Variants in CACNG1 observed in about 807,000 individuals in gnomAD.
The protein encoded by CACNG1 is calcium voltage-gated channel auxiliary subunit gamma 1.
A neutral mutation model predicts 22.0 loss-of-function variants in CACNG1; 21 were observed. That is an observed-to-expected ratio of 0.95 (90% CI 0.68 to 1.37). The LOEUF is 1.37. Ranked by LOEUF, CACNG1 falls within the 40% of genes most tolerant of loss-of-function variation. The probability of loss-of-function intolerance (pLI) is 0.00; values close to 1 mark genes in which losing one functional copy is unlikely to be tolerated. For synonymous variants in CACNG1, 127 were observed against 129.2 expected (o/e 0.98, Z 0.12); for missense variants, 291 against 308.6 (o/e 0.94, Z 0.43).
Position 67,054,224 on chromosome 17 carries a change from C to T in CACNG1, c.304+154C>T, listed in dbSNP as rs577470977. On this transcript the variant is annotated intron_variant, in intron 2 of 3. Transcript: ENST00000226021. This position sits in a 1 kb window ranked among gnomAD's most constrained non-coding sequence, Gnocchi z 4.6. Reference sequence around the variant, plus strand: ...TTGAACAACAGCCTTGTCAGCTCCCCGCTCCGGAGGCCCCAGGCAGCCGCC... The same window carrying T: ...TTGAACAACAGCCTTGTCAGCTCCCTGCTCCGGAGGCCCCAGGCAGCCGCC... 1.6e-4 allele frequency among the ~76,000 whole-genome samples: 24 copies of T among 152,320 alleles called. No homozygotes were observed. Among genetic ancestry groups the T allele is most frequent in the African/African-American group, 5.1e-4 (21 of 41,570 alleles).
Position 67,055,373 on chromosome 17 carries a change from A to C in CACNG1, c.442+133A>C. The stretch of plus-strand genomic sequence containing the variant: ...AGGCTCCATCCCCATCCAGGGGCAA[A>C]CCTGGCCAGGCCATCAGCGACTCCA... On this transcript the variant is annotated intron_variant, in intron 3 of 3. Transcript: ENST00000226021. This position sits in a 1 kb window ranked among gnomAD's most constrained non-coding sequence, Gnocchi z 4.5. 1 of 1,072,878 alleles carries C rather than the reference A, an allele frequency of 9.3e-7. No individual in the cohort carries two copies. The highest frequency in any genetic ancestry group is 1.7e-5 in the South Asian group (1 of 59,982). The allele number at this position is 1,072,878 out of a possible 1,614,324, so 66.5% of individuals were successfully genotyped here.
In CACNG1 at chr17:67,054,887, C is replaced by CATGACACACA. The variant is rs1331811449; in HGVS notation, c.305-205_305-196dup. Among the ~76,000 whole-genome samples, 3 of 150,954 alleles carry CATGACACACA rather than the reference C, an allele frequency of 2.0e-5. No individual in the cohort carries two copies. The highest frequency in any genetic ancestry group is 7.3e-5 in the African/African-American group (3 of 40,914). ...ACAGAGACACACACTGACACATATG[C>CATGACACACA]ATGACACACAATGACACACACAGAC... On this transcript the variant is annotated intron_variant, in intron 2 of 3. Transcript: ENST00000226021. This position sits in a 1 kb window ranked among gnomAD's most constrained non-coding sequence, Gnocchi z 4.6.
rs761921218 is a variant in CACNG1 at position 67,056,013 on chromosome 17, C to T, written c.443-32C>T. On this transcript the variant is annotated intron_variant, in intron 3 of 3. Coordinates refer to ENST00000226021, the MANE Select transcript of CACNG1 (RefSeq NM_000727.4). This position sits in a 1 kb window ranked among gnomAD's most constrained non-coding sequence, Gnocchi z 4.3. The stretch of plus-strand genomic sequence containing the variant: ...GCTGGTGGCTACGGCAGACGCCCCT[C>T]GGTCCCTGAGCATGCCTGGCTCTGC... 14 of 1,573,766 alleles carry T rather than the reference C, an allele frequency of 8.9e-6. No homozygotes were observed. Among genetic ancestry groups the T allele is most frequent in the African/African-American group, 1.3e-5 (1 of 74,350 alleles).
chr17:67,054,161 A>C lies in CACNG1; in HGVS notation c.304+91A>C. On this transcript the variant is annotated intron_variant, in intron 2 of 3. Coordinates refer to ENST00000226021, the MANE Select transcript of CACNG1 (RefSeq NM_000727.4). This position sits in a 1 kb window ranked among gnomAD's most constrained non-coding sequence, Gnocchi z 4.6. ...CAGAAAGTCATTGGCAAAAGCACTG[A>C]CTTCCTCACGCCTGATGAGAAGAAG... The C allele has an allele frequency of 9.9e-7, 1 of 1,007,044 alleles. No individual in the cohort carries two copies. The highest frequency in any genetic ancestry group is 1.6e-6 in the Non-Finnish European group (1 of 630,818). The allele number at this position is 1,007,044 out of a possible 1,614,324, so 62.4% of individuals were successfully genotyped here. A position where few individuals can be genotyped will look rare whatever the true frequency, so the allele number is the denominator to read the frequency against.
rs145671773 is a variant in CACNG1, at chr17:67,044,912, C to G, written c.229+23C>G. The G allele has an allele frequency of 1.9e-6, 3 of 1,566,412 alleles. No individual in the cohort carries two copies. Among genetic ancestry groups the G allele is most frequent in the South Asian group, 1.1e-5 (1 of 89,010 alleles). On this transcript the variant is annotated intron_variant, in intron 1 of 3. Transcript: ENST00000226021. This position sits in a 1 kb window ranked among gnomAD's most constrained non-coding sequence, Gnocchi z 6.9. Reference sequence around the variant, plus strand: ...GGGGTAACGTACCCACCCTCCGTCCCGATCCCCACCTCCTGCTCTTCCCCG... The same window carrying G: ...GGGGTAACGTACCCACCCTCCGTCCGGATCCCCACCTCCTGCTCTTCCCCG...
rs777436465 is a variant in CACNG1, at chr17:67,056,292, C to T, written c.*21C>T. The T allele has an allele frequency of 1.7e-5, 28 of 1,605,790 alleles. No homozygotes were observed. Among genetic ancestry groups the T allele is most frequent in the Non-Finnish European group, 2.3e-5 (27 of 1,173,422 alleles). On this transcript the variant is annotated 3_prime_UTR_variant, in exon 4 of 4. Coordinates refer to ENST00000226021, the MANE Select transcript of CACNG1 (RefSeq NM_000727.4). The surrounding 1 kb of genome is among the most constrained non-coding windows in gnomAD (Gnocchi z 4.3). The stretch of plus-strand genomic sequence containing the variant: ...ACTAACCCTCCTGCGGCCCTAGCGA[C>T]CCTCAGGCTTCTTCCCCAGGAAGCG...
At position 67,055,818 on chromosome 17, in the gene CACNG1, G is replaced by A. The variant is rs1307221520; in HGVS notation, c.443-227G>A. 2.6e-5 allele frequency among the ~76,000 whole-genome samples: 4 copies of A among 152,122 alleles called. No individual in the cohort carries two copies. Among genetic ancestry groups the A allele is most frequent in the African/African-American group, 9.7e-5 (4 of 41,420 alleles). ...GCCTCCCAAAGTGCTGGGATTACAG[G>A]TGTGAGCCACCACACCTGGCCACAT... On this transcript the variant is annotated intron_variant, in intron 3 of 3. Coordinates refer to ENST00000226021, the MANE Select transcript of CACNG1 (RefSeq NM_000727.4). The surrounding 1 kb of genome is among the most constrained non-coding windows in gnomAD (Gnocchi z 4.5).
chr17:67,044,756 G>C lies in CACNG1; in HGVS notation c.96G>C (p.Trp32Cys), dbSNP rs1180328852. 2 of 1,613,044 alleles carry C rather than the reference G, an allele frequency of 1.2e-6. No homozygotes were observed. Among genetic ancestry groups the C allele is most frequent in the African/African-American group, 1.3e-5 (1 of 74,952 alleles). ...LAMTAVVTDH[W>C]AVLSPHMEHH... Reference sequence around the variant, plus strand: ...TGACAGCCGTGGTAACCGACCACTGGGCTGTGCTGAGCCCCCACATGGAGC... The same window carrying C: ...TGACAGCCGTGGTAACCGACCACTGCGCTGTGCTGAGCCCCCACATGGAGC... Residue 32 changes from tryptophan to cysteine, a missense_variant, in exon 1 of 4, where the codon TGG becomes TGC. Physicochemically the swap from Trp to Cys is radical, Grantham distance 215. Transcript: ENST00000226021. This position sits in a 1 kb window ranked among gnomAD's most constrained non-coding sequence, Gnocchi z 6.9.
In CACNG1 at chr17:67,054,998, C is replaced by A; in HGVS notation, c.305-105C>A. 6 of 1,205,676 alleles carry A rather than the reference C, an allele frequency of 5.0e-6. No homozygotes were observed. The highest frequency in any genetic ancestry group is 7.0e-6 in the Non-Finnish European group (6 of 863,138). The allele number at this position is 1,205,676 out of a possible 1,614,324, so 74.7% of individuals were successfully genotyped here. A position where few individuals can be genotyped will look rare whatever the true frequency, so the allele number is the denominator to read the frequency against. On this transcript the variant is annotated intron_variant, in intron 2 of 3. Coordinates refer to ENST00000226021, the MANE Select transcript of CACNG1 (RefSeq NM_000727.4). The surrounding 1 kb of genome is among the most constrained non-coding windows in gnomAD (Gnocchi z 4.6). The stretch of plus-strand genomic sequence containing the variant: ...CACTTGACACACACACAATGACACA[C>A]ACAGACACTGACACACACACTGTGG...
chr17:67,053,125 T>C (rs1272788488), intron 1 of CACNG1, among the ~76,000 whole-genome samples: 1 of 152,118 alleles, frequency 6.6e-6, no homozygotes, highest in African/African-American at 2.4e-5. Context: ...AATTATCAGG[T>C]GGGCCAAGCG....
At position 67,054,700 on chromosome 17, in the gene CACNG1, GATGAC is replaced by G. The variant is rs1242246493; in HGVS notation, c.305-401_305-397del. Among the ~76,000 whole-genome samples, 1 of 41,498 alleles carries G rather than the reference GATGAC, an allele frequency of 2.4e-5. No homozygotes were observed. Among genetic ancestry groups the G allele is most frequent in the African/African-American group, 4.7e-5 (1 of 21,120 alleles). The allele number at this position is 41,498 out of a possible 152,430, so 27.2% of individuals were successfully genotyped here. A position where few individuals can be genotyped will look rare whatever the true frequency, so the allele number is the denominator to read the frequency against. ...CACAGAGACACTGACACACACGCAT[GATGAC>G]ACACAAAATGACACACAGTGACACA... On this transcript the variant is annotated intron_variant, in intron 2 of 3. Transcript: ENST00000226021. The surrounding 1 kb of genome is among the most constrained non-coding windows in gnomAD (Gnocchi z 4.6).
In CACNG1 at chr17:67,056,212, C is replaced by G; in HGVS notation, c.610C>G (p.Leu204Val). The change falls in exon 4 of 4, where the codon CTG (leucine) becomes GTG (valine). Residue 204 changes from leucine (L) to valine (V), a missense_variant. Transcript: ENST00000226021. The surrounding 1 kb of genome is among the most constrained non-coding windows in gnomAD (Gnocchi z 4.3). ...LGGLALLLFS[L>V]PRMPRNPWES... ...CGGTCTCGCCCTCCTGCTGTTCTCC[C>G]TGCCTCGAATGCCCCGGAACCCATG... 6.2e-7 allele frequency: 1 copy of G among 1,614,072 alleles called. No homozygotes were observed. The highest frequency in any genetic ancestry group is 8.5e-7 in the Non-Finnish European group (1 of 1,180,028).
rs983494958 is a variant in CACNG1, at chr17:67,054,587, G to T, written c.305-516G>T. Reference sequence around the variant, plus strand: ...CTGCGCCCAGACAGCTGCACACAGGGTGAGTGGGCAGACACACAGACACAC... The same window carrying T: ...CTGCGCCCAGACAGCTGCACACAGGTTGAGTGGGCAGACACACAGACACAC... On this transcript the variant is annotated intron_variant, in intron 2 of 3. Transcript: ENST00000226021. This position sits in a 1 kb window ranked among gnomAD's most constrained non-coding sequence, Gnocchi z 4.6. Among the ~76,000 whole-genome samples, 2 of 152,054 alleles carry T rather than the reference G, an allele frequency of 1.3e-5. No homozygotes were observed. The highest frequency in any genetic ancestry group is 4.8e-5 in the African/African-American group (2 of 41,394).
In CACNG1 at chr17:67,044,559, C is replaced by A; in HGVS notation, c.-102C>A. On this transcript the variant is annotated 5_prime_UTR_variant, in exon 1 of 4. Transcript: ENST00000226021. The surrounding 1 kb of genome is among the most constrained non-coding windows in gnomAD (Gnocchi z 6.9). ...GCACACTAAACTTAGTGGCCACTCC[C>A]AGCTCGACAACCACTGCCACCCCCC... is the stretch of plus-strand genomic sequence containing the variant. 1.3e-6 allele frequency: 1 copy of A among 758,030 alleles called. No individual in the cohort carries two copies. 47.0% of individuals were successfully genotyped at this position (758,030 alleles called of 1,614,324 possible). A position where few individuals can be genotyped will look rare whatever the true frequency, so the allele number is the denominator to read the frequency against.
Position 67,055,207 on chromosome 17 carries a change from C to A in CACNG1, c.409C>A (p.Leu137Met). 6.2e-7 allele frequency: 1 copy of A among 1,614,214 alleles called. No homozygotes were observed. Among genetic ancestry groups the A allele is most frequent in the Non-Finnish European group, 8.5e-7 (1 of 1,180,016 alleles). Residue 137 changes from leucine to methionine, a missense_variant, in exon 3 of 4, where the codon CTG becomes ATG. Transcript: ENST00000226021. This position sits in a 1 kb window ranked among gnomAD's most constrained non-coding sequence, Gnocchi z 4.5. ...CCTCGGGAAGAAGAGGGACTATCTG[C>A]TGCGACCCGCGTCCATGTTCTATGC... ...LSLGKKRDYL[L>M]RPASMFYAFA... is the part of the protein sequence containing the mutation.
chr17:67,047,062 T>C (rs1230758074), intron 1 of CACNG1, among the ~76,000 whole-genome samples: 1 of 152,186 alleles, frequency 6.6e-6, no homozygotes, highest in Non-Finnish European at 1.5e-5. Flanking sequence ...TTGTGCTCCC[T>C]GGGACCACTC....
chr17:67,055,319 C>A lies in CACNG1; in HGVS notation c.442+79C>A, dbSNP rs2035755228. On this transcript the variant is annotated intron_variant, in intron 3 of 3. Coordinates refer to ENST00000226021, the MANE Select transcript of CACNG1 (RefSeq NM_000727.4). This position sits in a 1 kb window ranked among gnomAD's most constrained non-coding sequence, Gnocchi z 4.5. ...ATTCTCCGCTCCACCCTCATGCCCA[C>A]CGCGAGATTTGGGTGAGGGGCATTT... 6.7e-7 allele frequency: 1 copy of A among 1,495,860 alleles called. No individual in the cohort carries two copies. Among genetic ancestry groups the A allele is most frequent in the Non-Finnish European group, 9.1e-7 (1 of 1,104,054 alleles). 92.7% of individuals were successfully genotyped at this position (1,495,860 alleles called of 1,614,324 possible).
intron 1 of CACNG1, among the ~76,000 whole-genome samples, chr17:67,047,748 G>A (rs1261582167): frequency 6.6e-6 from 1 of 152,126 alleles, no homozygotes; most frequent in Non-Finnish European, 1.5e-5. Flanking sequence ...AAAAACTGGA[G>A]ACTGAAATGT....
rs1317353456 is a variant in CACNG1 at position 67,055,069 on chromosome 17, G to T, written c.305-34G>T. Reference sequence around the variant, plus strand: ...GAGCCATGACAAGAGCTCCCATGCTGAGGCCGCATGCTGGGTGTCCCTTGT... The same window carrying T: ...GAGCCATGACAAGAGCTCCCATGCTTAGGCCGCATGCTGGGTGTCCCTTGT... On this transcript the variant is annotated intron_variant, in intron 2 of 3. Coordinates refer to ENST00000226021, the MANE Select transcript of CACNG1 (RefSeq NM_000727.4). This position sits in a 1 kb window ranked among gnomAD's most constrained non-coding sequence, Gnocchi z 4.5. 1 of 1,599,948 alleles carries T rather than the reference G, an allele frequency of 6.3e-7. No homozygotes were observed. Among genetic ancestry groups the T allele is most frequent in the Non-Finnish European group, 8.5e-7 (1 of 1,170,130 alleles).
Sources: gnomAD v4.1 joint callset for allele counts (sites outside exome capture counted in the v4.1 genomes callset) on GRCh38, gnomAD v4.1.1 for gene constraint, Gnocchi (gnomAD v3.1) non-coding constraint, MANE v1.5 for transcripts, NCBI Gene and HGNC (gene_info 2026-07-23, HGNC 2026-07-21) for gene names.